Variants in SH2B1 observed in about 807,000 individuals in gnomAD.
SH2B1 encodes SH2B adaptor protein 1.
A neutral mutation model predicts 62.6 loss-of-function variants in SH2B1; 15 were observed. That is an observed-to-expected ratio of 0.24 (90% CI 0.16 to 0.37). The LOEUF (loss-of-function observed/expected upper bound fraction) is 0.37. SH2B1 is among the 10% of genes least tolerant of loss of function. The pLI is 1.00. For missense variants in SH2B1, 925 were observed against 1,015.6 expected, an observed-to-expected ratio of 0.91 and a Z score of 1.21; for synonymous variants, 443 against 438.0, an observed-to-expected ratio of 1.01 and a Z score of -0.14.
chr16:28,864,313 T>A lies in SH2B1; in HGVS notation c.-1782T>A. 1.1e-5 allele frequency: 11 copies of A among 993,576 alleles called. No homozygotes were observed. The highest frequency in any genetic ancestry group is 1.3e-5 in the Non-Finnish European group (11 of 834,766). The allele number at this position is 993,576 out of a possible 1,614,324, so 61.5% of individuals were successfully genotyped here. On this transcript the variant is annotated 5_prime_UTR_variant, in exon 1 of 8. It removes the in-frame stop codon of an upstream open reading frame in the 5' UTR. Transcript: ENST00000684370. ...GAGTCCTGCTTGGCAGAAGAGAAAC[T>A]GAGTCACCAGCTTAGGAGTCGCAGG...
In SH2B1 at chr16:28,866,634, C is replaced by T; in HGVS notation, c.540C>T (p.Ser180=). Residue 180 remains serine (S), a synonymous_variant, in exon 1 of 8, where the codon TCC becomes TCT. Coordinates refer to ENST00000684370, the MANE Select transcript of SH2B1 (RefSeq NM_001387430.1). This position sits in a 1 kb window ranked among gnomAD's most constrained non-coding sequence, Gnocchi z 6.3. ...LQWRGTVDPP[S]SAGPLETSSG... The stretch of plus-strand genomic sequence containing the variant: ...GGCGGGGGACCGTTGACCCTCCCTC[C>T]TCCGCTGGGCCCCTGGAGACCTCGT... The T allele has an allele frequency of 6.2e-7, 1 of 1,613,712 alleles. No individual in the cohort carries two copies. The highest frequency in any genetic ancestry group is 1.3e-5 in the African/African-American group (1 of 75,028).
chr16:28,859,115 TG>T (rs1440877023), upstream of SH2B1, among the ~76,000 whole-genome samples: 1 of 151,968 alleles, frequency 6.6e-6, no homozygotes, highest in African/African-American at 2.4e-5. Context: ...CTAATTTTTT[TG>T]TATTTGTTGT....
chr16:28,858,127 C>T (rs542758246), intron 1 of SH2B1, among the ~76,000 whole-genome samples: 2 of 152,172 alleles, frequency 1.3e-5, no homozygotes, highest in Admixed American at 6.5e-5. Context: ...GGCTCAAAAT[C>T]CCAACCCTCT....
At chr16:28,855,510 C>G (rs923290089) in intron 1 of SH2B1, among the ~76,000 whole-genome samples, 1 of 152,134 alleles carries the variant, frequency 6.6e-6, no homozygotes, top group South Asian at 2.1e-4. Context: ...CATGAGCCAC[C>G]GCGCCCGGCC....
chr16:28,855,995 G>A (rs991925810), intron 1 of SH2B1, among the ~76,000 whole-genome samples: 7 of 149,258 alleles, frequency 4.7e-5, no homozygotes, highest in African/African-American at 9.8e-5. Flanking sequence ...GAACAATGCC[G>A]GCCAGGCGTG....
Position 28,873,911 on chromosome 16 carries a change from C to A in SH2B1, c.*91C>A. 1 of 1,259,502 alleles carries A rather than the reference C, an allele frequency of 7.9e-7. No homozygotes were observed. Among genetic ancestry groups the A allele is most frequent in the Non-Finnish European group, 1.0e-6 (1 of 980,470 alleles). The allele number at this position is 1,259,502 out of a possible 1,614,324, so 78.0% of individuals were successfully genotyped here. ...GGACAGAGGAGGCCGAAATCCCTCC[C>A]CCATGCTTCCTGACCCTTGTTGGCC... On this transcript the variant is annotated 3_prime_UTR_variant, in exon 8 of 8. Coordinates refer to ENST00000684370, the MANE Select transcript of SH2B1 (RefSeq NM_001387430.1). This position sits in a 1 kb window ranked among gnomAD's most constrained non-coding sequence, Gnocchi z 4.2.
At position 28,865,513 on chromosome 16, in the gene SH2B1, C is replaced by T; in HGVS notation, c.-582C>T. On this transcript the variant is annotated 5_prime_UTR_variant, in exon 1 of 8. Coordinates refer to ENST00000684370, the MANE Select transcript of SH2B1 (RefSeq NM_001387430.1). Reference sequence around the variant, plus strand: ...TGGCTGAGGCTGGCCCAGCCGGGCCCTGGGGACAGGGACTATGAAGTGGGG... The same window carrying T: ...TGGCTGAGGCTGGCCCAGCCGGGCCTTGGGGACAGGGACTATGAAGTGGGG... 1.0e-6 allele frequency: 1 copy of T among 985,638 alleles called. No individual in the cohort carries two copies. Among genetic ancestry groups the T allele is most frequent in the Non-Finnish European group, 1.2e-6 (1 of 830,000 alleles). 61.1% of individuals were successfully genotyped at this position (985,638 alleles called of 1,614,324 possible).
intron 1 of SH2B1, among the ~76,000 whole-genome samples, chr16:28,858,455 G>A (rs930286090): frequency 2.0e-5 from 3 of 152,164 alleles, no homozygotes; most frequent in African/African-American, 2.4e-5. Context: ...GGTGGAGGTT[G>A]CAGTAAGCCA....
intron 4 of SH2B1, among the ~76,000 whole-genome samples, chr16:28,870,997 GT>G (rs1567470774): frequency 1.6e-5 from 1 of 61,246 alleles, no homozygotes; most frequent in Non-Finnish European, 2.7e-5. Context: ...AGAATTCCGT[GT>G]GTGTGTGTGT....
rs1329825540 is a variant in SH2B1 at position 28,852,480 on chromosome 16, TTATATATACATACATATATTTA to T, written c.-301+5664_-301+5685del. On this transcript the variant is annotated intron_variant, in intron 1 of 10. Transcript: ENST00000322610. ...TATATTTATATATATACATATATAT[TTATATATACATACATATATTTA>T]TATATATACACATATATTTATATAT... 6.0e-4 allele frequency among the ~76,000 whole-genome samples: 40 copies of T among 67,014 alleles called. 13 individuals carry two copies. The highest frequency in any genetic ancestry group is 7.6e-4 in the Non-Finnish European group (31 of 40,870). The allele number at this position is 67,014 out of a possible 152,430, so 44.0% of individuals were successfully genotyped here. A position where few individuals can be genotyped will look rare whatever the true frequency, so the allele number is the denominator to read the frequency against.
At chr16:28,855,906 C>T (rs1185551237) in intron 1 of SH2B1, among the ~76,000 whole-genome samples, 6 of 143,526 alleles carry the variant, frequency 4.2e-5, no homozygotes, top group Non-Finnish European at 7.6e-5. Flanking sequence ...CCGCCGACCT[C>T]GTGATCCGCC....
intron 1 of SH2B1, among the ~76,000 whole-genome samples, chr16:28,857,751 T>C (rs542696722): frequency 1.3e-5 from 2 of 151,754 alleles, no homozygotes; most frequent in Admixed American, 1.3e-4. Context: ...CTTTTTTTTT[T>C]TTTTTTGAGA....
At chr16:28,858,512 T>G (rs1183584468) in intron 1 of SH2B1, among the ~76,000 whole-genome samples, 2 of 151,880 alleles carry the variant, frequency 1.3e-5, no homozygotes, top group African/African-American at 4.8e-5. Flanking sequence ...AGACTCTGTC[T>G]CAAACAAAAA....
chr16:28,853,111 CATTT>C, intron 1 of SH2B1, among the ~76,000 whole-genome samples: 3 of 112,894 alleles, frequency 2.7e-5, no homozygotes, highest in African/African-American at 1.1e-4. Flanking sequence ...TTTATATATA[CATTT>C]ATATATATTT....
In SH2B1 at chr16:28,863,852, T is replaced by G. The variant is rs2152169950; in HGVS notation, c.-2243T>G. 6.5e-7 allele frequency: 1 copy of G among 1,527,318 alleles called. No homozygotes were observed. Among genetic ancestry groups the G allele is most frequent in the South Asian group, 1.2e-5 (1 of 83,716 alleles). 94.6% of individuals were successfully genotyped at this position (1,527,318 alleles called of 1,614,324 possible). A position where few individuals can be genotyped will look rare whatever the true frequency, so the allele number is the denominator to read the frequency against. Reference sequence around the variant, plus strand: ...TCCTGACGCCTGCGCGGAACCGGGCTGGGCGCTCGTCGCGTAGTGGGTGGG... The same window carrying G: ...TCCTGACGCCTGCGCGGAACCGGGCGGGGCGCTCGTCGCGTAGTGGGTGGG... On this transcript the variant is annotated 5_prime_UTR_variant, in exon 1 of 8. Coordinates refer to ENST00000684370, the MANE Select transcript of SH2B1 (RefSeq NM_001387430.1).
chr16:28,859,861 C>A (rs1047784156), upstream of SH2B1, among the ~76,000 whole-genome samples: 4 of 133,818 alleles, frequency 3.0e-5, no homozygotes, highest in Non-Finnish European at 6.6e-5. Flanking sequence ...ATTATTTAAA[C>A]CAATAGACCC....
At chr16:28,863,537 G>A, upstream of SH2B1, 1 of 761,642 alleles carries the variant, frequency 1.3e-6, no homozygotes, top group South Asian at 1.9e-5. Flanking sequence ...GCCCTCAGCC[G>A]GGCCCTGGGA....
Position 28,872,028 on chromosome 16 carries a change from C to T in SH2B1, c.1513+45C>T. ...GCATGTCTCCAGGCCTGGGTGCCTA[C>T]CTTCCTGACCACCTCTCCTGGGATC... On this transcript the variant is annotated intron_variant, in intron 5 of 7. Coordinates refer to ENST00000684370, the MANE Select transcript of SH2B1 (RefSeq NM_001387430.1). The surrounding 1 kb of genome is among the most constrained non-coding windows in gnomAD (Gnocchi z 5.3). The T allele has an allele frequency of 7.3e-7, 1 of 1,374,284 alleles. No individual in the cohort carries two copies. The highest frequency in any genetic ancestry group is 1.0e-6 in the Non-Finnish European group (1 of 963,302). The allele number at this position is 1,374,284 out of a possible 1,614,324, so 85.1% of individuals were successfully genotyped here.
upstream of SH2B1, among the ~76,000 whole-genome samples, chr16:28,861,986 G>A (rs373429826): frequency 2.6e-5 from 4 of 152,318 alleles, no homozygotes; most frequent in South Asian, 8.3e-4. Context: ...AATGCATAGG[G>A]AAGGCAGAAC....
Sources: allele counts gnomAD v4.1 joint callset (sites outside exome capture counted in the v4.1 genomes callset), GRCh38; gene constraint gnomAD v4.1.1; non-coding constraint Gnocchi (gnomAD v3.1); transcripts MANE v1.5; gene names NCBI Gene and HGNC (gene_info 2026-07-23, HGNC 2026-07-21).